Variants in CPNE8 observed in about 807,000 individuals in gnomAD.
CPNE8 encodes the protein copine 8, also known as copine-8.
CPNE8 carries 45 observed loss-of-function variants against 81.5 expected under a neutral mutation model. The observed-to-expected ratio is 0.55, with a 90% CI of 0.44 to 0.71. CPNE8 has a LOEUF of 0.71. Among genes scored for constraint, CPNE8 ranks in the 30% least tolerant of loss-of-function variants. CPNE8 has a pLI of 0.00. For synonymous variants in CPNE8, 252 were observed against 226.3 expected (o/e 1.11, Z -1.02); for missense variants, 594 against 672.1 (o/e 0.88, Z 1.28).
chr12:38,787,589 AAAT>A (rs1942224302), intron 6 of CPNE8, among the ~76,000 whole-genome samples: 1 of 151,878 alleles, frequency 6.6e-6, no homozygotes, highest in South Asian at 2.1e-4. Flanking sequence ...AGAAGGTAAG[AAAT>A]AATAAAGATC....
chr12:38,905,835 C>A (rs1565672109), upstream of CPNE8: 4 of 985,362 alleles, frequency 4.1e-6, no homozygotes, highest in South Asian at 4.7e-5. Context: ...CCGTGATCCC[C>A]TCCTGGCTGG....
intron 6 of CPNE8, among the ~76,000 whole-genome samples, chr12:38,818,790 ATC>A (rs1943067411): frequency 6.6e-6 from 1 of 152,144 alleles, no homozygotes; most frequent in Non-Finnish European, 1.5e-5. Context: ...TCTCTCCAAC[ATC>A]TGTTGTTTCC....
chr12:38,802,758 A>G (rs550526074), intron 6 of CPNE8, among the ~76,000 whole-genome samples: 72 of 148,914 alleles, frequency 4.8e-4, no homozygotes, highest in African/African-American at 1.5e-3. Flanking sequence ...ATAGACCGCT[A>G]GCAAGACTAA....
chr12:38,782,952 T>A (rs1942087853), intron 6 of CPNE8, among the ~76,000 whole-genome samples: 1 of 152,130 alleles, frequency 6.6e-6, no homozygotes. Flanking sequence ...AGTGCAGGAA[T>A]TGCAGGCATG....
At chr12:38,846,264 A>C (rs993210426) in intron 4 of CPNE8, among the ~76,000 whole-genome samples, 2 of 152,166 alleles carry the variant, frequency 1.3e-5, no homozygotes, top group South Asian at 4.1e-4. Context: ...ACACAGATGA[A>C]TCTCTAAATT....
At chr12:38,820,287 C>T (rs1474092816) in intron 6 of CPNE8, among the ~76,000 whole-genome samples, 1 of 151,886 alleles carries the variant, frequency 6.6e-6, no homozygotes, top group Admixed American at 6.6e-5. Flanking sequence ...CACCTATAAT[C>T]CTGGCTACTC....
At chr12:38,676,482 A>G (rs1403571477) in intron 17 of CPNE8, among the ~76,000 whole-genome samples, 1 of 152,190 alleles carries the variant, frequency 6.6e-6, no homozygotes, top group Non-Finnish European at 1.5e-5. Flanking sequence ...AAGTGGTAAC[A>G]GATTCATAAA....
chr12:38,713,643 C>T (rs1051718669), intron 13 of CPNE8, among the ~76,000 whole-genome samples: 2 of 152,074 alleles, frequency 1.3e-5, no homozygotes, highest in Non-Finnish European at 1.5e-5. Flanking sequence ...GGTAGAAAAT[C>T]GTGCTCCAAA....
At chr12:38,730,805 C>T (rs909521235) in intron 10 of CPNE8, among the ~76,000 whole-genome samples, 1 of 151,508 alleles carries the variant, frequency 6.6e-6, no homozygotes, top group South Asian at 2.1e-4. Flanking sequence ...TAATAGGATG[C>T]TATTTTAAAA....
chr12:38,656,229 TTTAC>T, intron 19 of CPNE8, among the ~76,000 whole-genome samples: 1 of 151,940 alleles, frequency 6.6e-6, no homozygotes, highest in Admixed American at 6.6e-5. Flanking sequence ...GTAACTATAA[TTTAC>T]TTAATTCTTA....
At chr12:38,755,653 T>C (rs1220043422) in intron 10 of CPNE8, among the ~76,000 whole-genome samples, 1 of 152,212 alleles carries the variant, frequency 6.6e-6, no homozygotes, top group Non-Finnish European at 1.5e-5. Context: ...GTGGTTTAAC[T>C]TGTTGAAAAT....
chr12:38,817,474 A>T (rs570776881), intron 6 of CPNE8, among the ~76,000 whole-genome samples: 1 of 152,172 alleles, frequency 6.6e-6, no homozygotes, highest in African/African-American at 2.4e-5. Flanking sequence ...TCATCCTTGA[A>T]ATGACCTAAA....
intron 13 of CPNE8, among the ~76,000 whole-genome samples, chr12:38,711,818 T>C (rs1339090128): frequency 6.6e-6 from 1 of 152,176 alleles, no homozygotes; most frequent in Non-Finnish European, 1.5e-5. Context: ...CTTAACCAAA[T>C]AAATGTTTAT....
At chr12:38,892,524 T>C (rs182854678) in intron 1 of CPNE8, among the ~76,000 whole-genome samples, 2 of 152,314 alleles carry the variant, frequency 1.3e-5, no homozygotes, top group Admixed American at 1.3e-4. Flanking sequence ...TCTTGGTGAC[T>C]GATAAGGTGA....
chr12:38,847,981 G>GA (rs945215293), intron 4 of CPNE8, among the ~76,000 whole-genome samples: 21 of 151,464 alleles, frequency 1.4e-4, no homozygotes, highest in South Asian at 6.3e-4. Context: ...CACTTCTGTG[G>GA]AAAAAAAACT....
At chr12:38,779,840 A>T (rs991649391) in intron 6 of CPNE8, among the ~76,000 whole-genome samples, 1 of 152,194 alleles carries the variant, frequency 6.6e-6, no homozygotes, top group East Asian at 1.9e-4. Context: ...TATTATGAAT[A>T]GTATACAAAA....
At chr12:38,666,880 T>G (rs148107869) in intron 19 of CPNE8, among the ~76,000 whole-genome samples, 1 of 152,330 alleles carries the variant, frequency 6.6e-6, no homozygotes, top group Admixed American at 6.5e-5. Flanking sequence ...TAGCTTCATG[T>G]CCTTTTTTGT....
intron 6 of CPNE8, among the ~76,000 whole-genome samples, chr12:38,821,975 T>C (rs1943116797): frequency 6.6e-6 from 1 of 152,214 alleles, no homozygotes; most frequent in African/African-American, 2.4e-5. Flanking sequence ...AAAAAGAATA[T>C]ACCATTTTTC....
intron 5 of CPNE8, among the ~76,000 whole-genome samples, chr12:38,836,141 C>A (rs1943376672): frequency 6.6e-6 from 1 of 152,050 alleles, no homozygotes; most frequent in Admixed American, 6.6e-5. Flanking sequence ...TAGTACCTTA[C>A]AGAACAAACT....
Sources: allele counts gnomAD v4.1 joint callset (sites outside exome capture counted in the v4.1 genomes callset), GRCh38; gene constraint gnomAD v4.1.1; transcripts MANE v1.5; gene names NCBI Gene and HGNC (gene_info 2026-07-23, HGNC 2026-07-21).